The following METTL25 variants were observed in gnomAD, a reference collection of about 807,000 sequenced individuals.
METTL25 encodes the protein methyltransferase like 25, also known as probable methyltransferase-like protein 25.
METTL25 carries 64 observed loss-of-function variants against 71.6 expected under a neutral mutation model. The observed-to-expected ratio is 0.89, with a 90% confidence interval of 0.73 to 1.10. The LOEUF (loss-of-function observed/expected upper bound fraction) is 1.10, where lower values mean the gene tolerates loss of function less well. METTL25 is among the 50% of genes least tolerant of loss of function. The pLI, the probability that METTL25 is intolerant of heterozygous loss-of-function variation, is 0.00. For synonymous variants in METTL25, 287 were observed against 250.3 expected, an observed-to-expected ratio of 1.15 and a Z score of -1.38; for missense variants, 807 against 707.0, an observed-to-expected ratio of 1.14 and a Z score of -1.60.
chr12:82,376,379 C>G (rs1883856206), intron 1 of METTL25, among the ~76,000 whole-genome samples: 1 of 152,276 alleles, frequency 6.6e-6, no homozygotes, highest in East Asian at 1.9e-4. Flanking sequence ...AAATTCTAGT[C>G]CCCCTGCTTC....
intron 8 of METTL25, among the ~76,000 whole-genome samples, chr12:82,455,021 G>A (rs1891389638): frequency 6.6e-6 from 1 of 151,790 alleles, no homozygotes; most frequent in African/African-American, 2.4e-5. Context: ...GATAGAGCCA[G>A]TCTGACTGGA....
At chr12:82,470,687 T>G (rs1477064115) in intron 9 of METTL25, among the ~76,000 whole-genome samples, 3 of 152,238 alleles carry the variant, frequency 2.0e-5, no homozygotes, top group African/African-American at 7.2e-5. Flanking sequence ...ACCCAAATTC[T>G]AAACTTGTAA....
rs1402597151 is a variant in METTL25 at position 82,386,974 on chromosome 12, CTATT to C, written c.424+11_424+14del. ...AATCAAAACCAGAGAATTGGTATGT[CTATT>C]TATGTGTGTGTATGTGTGCTTTTTA... On this transcript the variant is annotated splice_region_variant and intron_variant, in intron 2 of 11. Transcript: ENST00000248306. The C allele has an allele frequency of 8.1e-6, 13 of 1,610,210 alleles. No individual in the cohort carries two copies. In the South Asian group the frequency reaches 1.2e-4, roughly 15 times the overall value.
At chr12:82,363,422 T>TA (rs986005971) in intron 1 of METTL25, among the ~76,000 whole-genome samples, 4 of 152,132 alleles carry the variant, frequency 2.6e-5, no homozygotes, top group East Asian at 1.9e-4. Flanking sequence ...CTTTGAATTG[T>TA]AAAAAAAGGA....
chr12:82,401,841 G>A (rs982061268), intron 4 of METTL25, among the ~76,000 whole-genome samples: 52 of 152,082 alleles, frequency 3.4e-4, no homozygotes, highest in African/African-American at 1.3e-3. Context: ...ACATTATCAT[G>A]GTTTGAGTGT....
At chr12:82,386,694 A>G in intron 1 of METTL25, 109 bp from the exon 2 acceptor site, 1 of 876,546 alleles carries the variant, frequency 1.1e-6, no homozygotes, top group Non-Finnish European at 1.7e-6. Flanking sequence ...AACAAAATGA[A>G]AATATTGGCA....
At chr12:82,397,423 T>A (rs778754918) in intron 3 of METTL25, among the ~76,000 whole-genome samples, 5 of 152,104 alleles carry the variant, frequency 3.3e-5, no homozygotes, top group Admixed American at 1.3e-4. Flanking sequence ...TTCATTTTTG[T>A]CTTTTTGAAT....
chr12:82,379,319 A>G (rs2136907778), intron 1 of METTL25, among the ~76,000 whole-genome samples: 1 of 152,346 alleles, frequency 6.6e-6, no homozygotes, highest in African/African-American at 2.4e-5. Context: ...CTGCACTGAA[A>G]TAAATATATT....
chr12:82,372,073 G>A (rs2136863639), intron 1 of METTL25, among the ~76,000 whole-genome samples: 1 of 152,270 alleles, frequency 6.6e-6, no homozygotes, highest in South Asian at 2.1e-4. Flanking sequence ...TGCAGCTAAA[G>A]CTGCATTCTT....
intron 3 of METTL25, among the ~76,000 whole-genome samples, chr12:82,391,665 T>G (rs1405548982): frequency 6.6e-6 from 1 of 151,888 alleles, no homozygotes; most frequent in Non-Finnish European, 1.5e-5. Flanking sequence ...ATTTTGGCTA[T>G]TATGAATAGT....
chr12:82,409,109 A>ATGAATGTGTTTACCCAATACAGTG (rs1182465907), intron 5 of METTL25, among the ~76,000 whole-genome samples: 3 of 152,148 alleles, frequency 2.0e-5, no homozygotes, highest in African/African-American at 7.2e-5. Flanking sequence ...TATGTTTTCC[A>ATGAATGTGTTTACCCAATACAGTG]TGAATGTGTT....
chr12:82,402,089 G>A (rs1192874153), intron 4 of METTL25, among the ~76,000 whole-genome samples: 1 of 151,970 alleles, frequency 6.6e-6, no homozygotes, highest in East Asian at 1.9e-4. Flanking sequence ...TGTACTCATT[G>A]TGTATGTGTG....
chr12:82,376,453 A>G (rs1291707926), intron 1 of METTL25, among the ~76,000 whole-genome samples: 1 of 152,218 alleles, frequency 6.6e-6, no homozygotes, highest in Non-Finnish European at 1.5e-5. Context: ...AAAAATTTCA[A>G]TGTCATTTTA....
chr12:82,457,650 A>G (rs775813502), intron 9 of METTL25, among the ~76,000 whole-genome samples: 3 of 152,044 alleles, frequency 2.0e-5, no homozygotes, highest in Non-Finnish European at 4.4e-5. Context: ...GAAGGATTAA[A>G]TTAGGTAATA....
At chr12:82,362,313 A>C (rs1882039950) in intron 1 of METTL25, among the ~76,000 whole-genome samples, 1 of 152,246 alleles carries the variant, frequency 6.6e-6, no homozygotes, top group Non-Finnish European at 1.5e-5. Context: ...CCTGGGGTCA[A>C]ATATTGACTC....
In METTL25 at chr12:82,430,951, G is replaced by T. The variant is rs1354000403; in HGVS notation, c.1338G>T (p.Trp446Cys). 2 of 1,601,478 alleles carry T rather than the reference G, an allele frequency of 1.2e-6. No homozygotes were observed. The highest frequency in any genetic ancestry group is 1.7e-6 in the Non-Finnish European group (2 of 1,172,700). ...PMCHYLKEER[W>C]CCGRNARMSA... is the part of the protein sequence containing the mutation. ...GCCACTATTTAAAGGAAGAGAGATG[G>T]TGCTGTGGTCGTAATGCCAGAATGT... Residue 446 changes from tryptophan to cysteine, a missense_variant, in exon 6 of 12, where the codon TGG becomes TGT. By Grantham distance (215) the Trp-to-Cys change is radical. Transcript: ENST00000248306.
intron 3 of METTL25, among the ~76,000 whole-genome samples, chr12:82,390,366 A>G (rs146647952): frequency 5.3e-5 from 8 of 152,238 alleles, no homozygotes; most frequent in Admixed American, 2.0e-4. Context: ...GACTTGGATT[A>G]TATCATAGTG....
intron 9 of METTL25, among the ~76,000 whole-genome samples, chr12:82,460,993 A>G (rs1387820155): frequency 1.3e-5 from 2 of 152,100 alleles, no homozygotes; most frequent in African/African-American, 4.8e-5. Flanking sequence ...ACTACAAAAA[A>G]TTAGCCGGGC....
At chr12:82,362,784 A>T (rs182716187) in intron 1 of METTL25, among the ~76,000 whole-genome samples, 1 of 152,246 alleles carries the variant, frequency 6.6e-6, no homozygotes, top group East Asian at 1.9e-4. Flanking sequence ...ATAAGAGGCT[A>T]TTAAAATAGT....
Sources: gnomAD v4.1 joint callset for allele counts (sites outside exome capture counted in the v4.1 genomes callset) on GRCh38, gnomAD v4.1.1 for gene constraint, MANE v1.5 for transcripts, NCBI Gene and HGNC (gene_info 2026-07-23, HGNC 2026-07-21) for gene names.